LAMC1: variants seen among roughly 807,000 people sequenced by gnomAD.
LAMC1 encodes laminin subunit gamma-1.
Under a neutral mutation model 173.6 loss-of-function variants are expected in LAMC1, and 38 were observed. The ratio of observed to expected loss-of-function variants is 0.22; its 90% CI spans 0.17 to 0.29. The LOEUF (loss-of-function observed/expected upper bound fraction) is 0.29, where lower values mean the gene tolerates loss of function less well. Ranked by LOEUF, LAMC1 falls within the 10% of genes least tolerant of loss-of-function variation. LAMC1 has a pLI of 1.00. For missense variants in LAMC1, 1,824 were observed against 2,051.8 expected (o/e 0.89, Z 2.14); for synonymous variants, 746 against 749.1 (o/e 1.00, Z 0.07).
In LAMC1 at chr1:183,144,879, T is replaced by C. The variant is rs1294664218; in HGVS notation, c.*2089T>C. 6.6e-6 allele frequency: 1 copy of C among 152,254 alleles called. No individual in the cohort carries two copies. Among genetic ancestry groups the C allele is most frequent in the Non-Finnish European group, 1.5e-5 (1 of 68,046 alleles). 9.4% of individuals were successfully genotyped at this position (152,254 alleles called of 1,614,324 possible). On this transcript the variant is annotated 3_prime_UTR_variant, in exon 28 of 28. Transcript: ENST00000258341. Reference sequence around the variant, plus strand: ...GATGATCCCACTTCCTGTTTCCATCTGCTTGGGATATACCAGAGTTTACCA... The same window carrying C: ...GATGATCCCACTTCCTGTTTCCATCCGCTTGGGATATACCAGAGTTTACCA...
At chr1:183,131,483 A>G in intron 20 of LAMC1, 105 bp downstream of exon 20, 2 of 661,024 alleles carry the variant, frequency 3.0e-6, no homozygotes, top group Non-Finnish European at 4.9e-6. Flanking sequence ...CATAACCCAT[A>G]AACACTTTCT....
intron 13 of LAMC1, among the ~76,000 whole-genome samples, chr1:183,124,321 A>T (rs558345019): frequency 2.1e-4 from 32 of 152,328 alleles, no homozygotes; most frequent in African/African-American, 6.3e-4. Flanking sequence ...GAGACTGGAG[A>T]AGTTTATAAA....
chr1:183,069,445 G>A (rs1654953956), intron 1 of LAMC1, among the ~76,000 whole-genome samples: 1 of 152,186 alleles, frequency 6.6e-6, no homozygotes, highest in African/African-American at 2.4e-5. Context: ...TCCAGGAAAG[G>A]TAAAAGTTAA....
intron 1 of LAMC1, among the ~76,000 whole-genome samples, chr1:183,082,161 A>G (rs928585738): frequency 1.3e-5 from 2 of 152,224 alleles, no homozygotes; most frequent in Non-Finnish European, 2.9e-5. Flanking sequence ...GTTGCTTCCA[A>G]GTTTTGTCAA....
intron 1 of LAMC1, among the ~76,000 whole-genome samples, chr1:183,077,620 G>C (rs1033893747): frequency 4.0e-5 from 6 of 151,486 alleles, no homozygotes; most frequent in Non-Finnish European, 1.5e-5. Context: ...CATCCTCATA[G>C]CTTAGCTCCC....
chr1:183,061,630 A>G (rs1393289041), intron 1 of LAMC1, among the ~76,000 whole-genome samples: 1 of 152,092 alleles, frequency 6.6e-6, no homozygotes, highest in Non-Finnish European at 1.5e-5. Flanking sequence ...TCTTTTGTTC[A>G]TAGATTATGA....
At chr1:183,043,833 A>C (rs1030521733) in intron 1 of LAMC1, among the ~76,000 whole-genome samples, 4 of 152,192 alleles carry the variant, frequency 2.6e-5, no homozygotes, top group African/African-American at 7.2e-5. Context: ...CATTACTACC[A>C]TGCATAGTTT....
intron 5 of LAMC1, among the ~76,000 whole-genome samples, chr1:183,115,093 G>A (rs763603493): frequency 1.3e-5 from 2 of 152,156 alleles, no homozygotes; most frequent in Non-Finnish European, 2.9e-5. Context: ...TAGCATGTTT[G>A]CGTGTGTACA....
intron 1 of LAMC1, among the ~76,000 whole-genome samples, chr1:183,052,644 T>G (rs1654462695): frequency 6.6e-6 from 1 of 152,170 alleles, no homozygotes; most frequent in Non-Finnish European, 1.5e-5. Flanking sequence ...CACTTAACTT[T>G]CTTTTTCTTA....
In LAMC1 at chr1:183,125,520, A is replaced by G; in HGVS notation, c.2771A>G (p.Tyr924Cys). ...TGTGGTGCTTGTGACCCTGGATTCT[A>G]CAATCTGCAGAGTGGGCAAGGCTGT... is the stretch of plus-strand genomic sequence containing the variant. ...QDCGACDPGFYNLQSGQGCER... is the reference protein window; with the variant it reads ...QDCGACDPGFCNLQSGQGCER... Residue 924 changes from tyrosine to cysteine, a missense_variant, in exon 15 of 28, where the codon TAC becomes TGC. Coordinates refer to ENST00000258341, the MANE Select transcript of LAMC1 (RefSeq NM_002293.4). The G allele has an allele frequency of 6.2e-7, 1 of 1,611,738 alleles. No individual in the cohort carries two copies. The highest frequency in any genetic ancestry group is 8.5e-7 in the Non-Finnish European group (1 of 1,178,708).
intron 1 of LAMC1, among the ~76,000 whole-genome samples, chr1:183,041,516 T>C (rs528072835): frequency 2.4e-4 from 37 of 152,218 alleles, no homozygotes; most frequent in Non-Finnish European, 2.6e-4. Flanking sequence ...GTAAGCATAT[T>C]GCATACCTAG....
intron 1 of LAMC1, among the ~76,000 whole-genome samples, chr1:183,077,751 T>G (rs1655151118): frequency 7.4e-6 from 1 of 135,056 alleles, no homozygotes; most frequent in Non-Finnish European, 1.7e-5. Flanking sequence ...TTTTTATGGC[T>G]GAATAGTATT....
At chr1:183,093,951 A>G (rs1371556584) in intron 1 of LAMC1, among the ~76,000 whole-genome samples, 1 of 152,214 alleles carries the variant, frequency 6.6e-6, no homozygotes, top group African/African-American at 2.4e-5. Flanking sequence ...TCAGTACAGC[A>G]ACCAGTCATC....
intron 1 of LAMC1, among the ~76,000 whole-genome samples, chr1:183,057,912 A>G (rs1351233202): frequency 1.3e-5 from 2 of 152,264 alleles, no homozygotes; most frequent in Non-Finnish European, 1.5e-5. Context: ...AACATATTAT[A>G]TATTTTTATG....
chr1:183,077,776 G>GTGTGTGTATATATATATATATATA lies in LAMC1; in HGVS notation c.419-25551_419-25550insGTGTGTATATATATATATATATAT. Among the ~76,000 whole-genome samples, 2 of 116,522 alleles carry GTGTGTGTATATATATATATATATA rather than the reference G, an allele frequency of 1.7e-5. 1 individual carries two copies. The highest frequency in any genetic ancestry group is 3.8e-5 in the Non-Finnish European group (2 of 53,178). 76.4% of individuals were successfully genotyped at this position (116,522 alleles called of 152,430 possible). On this transcript the variant is annotated intron_variant, in intron 1 of 27. Coordinates refer to ENST00000258341, the MANE Select transcript of LAMC1 (RefSeq NM_002293.4). ...TGAATAGTATTTTTATGGCCATTGT[G>GTGTGTGTATATATATATATATATA]TATATATATATATATATATACAGTA...
chr1:183,115,205 G>A (rs1396154589), intron 5 of LAMC1, among the ~76,000 whole-genome samples: 1 of 152,120 alleles, frequency 6.6e-6, no homozygotes, highest in Non-Finnish European at 1.5e-5. Flanking sequence ...TGGGCCTTAA[G>A]GGGCTGTGAT....
At chr1:183,115,787 C>A in intron 6 of LAMC1, 150 bp downstream of exon 6, 1 of 646,436 alleles carries the variant, frequency 1.5e-6, no homozygotes. Context: ...TGGTGAGCCA[C>A]AAGGGGTTTG....
At chr1:183,120,311 A>G (rs942265900) in intron 11 of LAMC1, among the ~76,000 whole-genome samples, 3 of 152,192 alleles carry the variant, frequency 2.0e-5, no homozygotes, top group African/African-American at 7.2e-5. Context: ...GACATGGACT[A>G]TAATTTGGGA....
chr1:183,135,746 G>A (rs1024748041), intron 24 of LAMC1, among the ~76,000 whole-genome samples: 10 of 151,614 alleles, frequency 6.6e-5, no homozygotes, highest in African/African-American at 9.7e-5. Flanking sequence ...TTAATTAGCC[G>A]GGCATGCTGG....
Sources: gnomAD v4.1 joint callset for allele counts (sites outside exome capture counted in the v4.1 genomes callset) on GRCh38, gnomAD v4.1.1 for gene constraint, MANE v1.5 for transcripts, NCBI Gene and HGNC (gene_info 2026-07-23, HGNC 2026-07-21) for gene names.